TANC2: variants seen among roughly 807,000 people sequenced by gnomAD.
TANC2 encodes the protein protein TANC2.
In TANC2, 26 loss-of-function variants were observed where a neutral mutation model predicts 210.5. The observed-to-expected ratio is 0.12, with a 90% CI of 0.09 to 0.17. TANC2 has a LOEUF of 0.17. TANC2 is among the 10% of genes least tolerant of loss of function. The pLI is 1.00. For synonymous variants in TANC2, 931 were observed against 967.1 expected, an observed-to-expected ratio of 0.96 and a Z score of 0.69; for missense variants, 2,129 against 2,608.9, an observed-to-expected ratio of 0.82 and a Z score of 4.01.
chr17:63,423,103 G>A (rs768022046), exon 28 of TANC2: 6 of 152,292 alleles, frequency 3.9e-5, no homozygotes, highest in Non-Finnish European at 7.4e-5. Flanking sequence ...GGTCATGCCC[G>A]TTGTTGTCTA....
At chr17:63,113,074 G>A (rs938885471) in intron 4 of TANC2, among the ~76,000 whole-genome samples, 1 of 152,066 alleles carries the variant, frequency 6.6e-6, no homozygotes, top group Non-Finnish European at 1.5e-5. Context: ...AAACAATTTT[G>A]GCCATGAGGA....
intron 9 of TANC2, among the ~76,000 whole-genome samples, chr17:63,298,117 A>G (rs2044594606): frequency 1.3e-5 from 2 of 152,242 alleles, no homozygotes; most frequent in African/African-American, 4.8e-5. Context: ...AATGTAAAAT[A>G]GTACAGCCAC....
chr17:63,353,962 G>A (rs756741651), intron 13 of TANC2, among the ~76,000 whole-genome samples: 5 of 152,006 alleles, frequency 3.3e-5, no homozygotes, highest in Non-Finnish European at 5.9e-5. Flanking sequence ...AGAATGGGAA[G>A]GAAAGAATTA....
At chr17:63,066,817 G>A (rs900366851) in intron 2 of TANC2, among the ~76,000 whole-genome samples, 4 of 151,830 alleles carry the variant, frequency 2.6e-5, no homozygotes, top group Non-Finnish European at 4.4e-5. Context: ...TGCAGAGCAA[G>A]GTTACTATAG....
chr17:63,385,828 T>A (rs1450805827), intron 15 of TANC2, among the ~76,000 whole-genome samples: 1 of 152,192 alleles, frequency 6.6e-6, no homozygotes, highest in Non-Finnish European at 1.5e-5. Context: ...AGGGAAATAA[T>A]CTTGTGGTGT....
At chr17:63,341,444 T>C (rs1428326679) in intron 12 of TANC2, among the ~76,000 whole-genome samples, 1 of 152,266 alleles carries the variant, frequency 6.6e-6, no homozygotes, top group East Asian at 1.9e-4. Flanking sequence ...CAAGGACTGT[T>C]CATCTGCCCA....
At chr17:63,326,128 C>T (rs565527807) in intron 11 of TANC2, among the ~76,000 whole-genome samples, 40 of 152,164 alleles carry the variant, frequency 2.6e-4, no homozygotes, top group African/African-American at 4.3e-4. Flanking sequence ...GCTCTGACTA[C>T]GAGCCATTGA....
chr17:63,006,808 G>A (rs2033644083), intron 1 of TANC2, among the ~76,000 whole-genome samples: 1 of 151,932 alleles, frequency 6.6e-6, no homozygotes, highest in South Asian at 2.1e-4. Context: ...ACTTGATCTT[G>A]TAGCTATTGA....
intron 3 of TANC2, among the ~76,000 whole-genome samples, chr17:63,081,034 A>G (rs1568368287): frequency 6.6e-6 from 1 of 152,146 alleles, no homozygotes; most frequent in Non-Finnish European, 1.5e-5. Context: ...GAACCTTTTC[A>G]TTCTGATATA....
At chr17:63,347,797 C>T (rs1167322191) in intron 12 of TANC2, among the ~76,000 whole-genome samples, 1 of 152,114 alleles carries the variant, frequency 6.6e-6, no homozygotes, top group African/African-American at 2.4e-5. Flanking sequence ...TTTGTTGGGA[C>T]AGGGTCTCAC....
chr17:63,116,367 G>A (rs527452681), intron 4 of TANC2, among the ~76,000 whole-genome samples: 44 of 152,276 alleles, frequency 2.9e-4, no homozygotes, highest in Non-Finnish European at 1.5e-4. Flanking sequence ...CTGTGATACC[G>A]TTTGGAAGCT....
intron 3 of TANC2, among the ~76,000 whole-genome samples, chr17:63,089,571 G>C (rs2037104130): frequency 6.6e-6 from 1 of 152,086 alleles, no homozygotes; most frequent in Non-Finnish European, 1.5e-5. Flanking sequence ...TTCTGTTGCT[G>C]ATTGACTGTA....
rs182428620 is a variant in TANC2 at position 63,378,384 on chromosome 17, A to T, written c.2583-1334A>T. On this transcript the variant is annotated intron_variant, in intron 14 of 27. Coordinates refer to ENST00000689528, the Ensembl canonical transcript of TANC2. ...CACTTAAAATAAGTGTATCATTAGG[A>T]TGCTTTGAGCTGGAAAAAAAAAACA... is the stretch of plus-strand genomic sequence containing the variant. Among the ~76,000 whole-genome samples the T allele has an allele frequency of 1.2e-3, 178 of 152,220 alleles. 1 individual carries two copies. The highest frequency in any genetic ancestry group is 4.1e-3 in the African/African-American group (171 of 41,530).
chr17:63,083,975 A>G (rs1054400879), intron 3 of TANC2, among the ~76,000 whole-genome samples: 9 of 152,170 alleles, frequency 5.9e-5, no homozygotes, highest in Non-Finnish European at 1.2e-4. Context: ...TGGTTTTCAT[A>G]TTAGGATAAT....
chr17:63,331,491 A>G (rs1011475182), intron 11 of TANC2, among the ~76,000 whole-genome samples: 3 of 152,228 alleles, frequency 2.0e-5, no homozygotes, highest in African/African-American at 7.2e-5. Context: ...CAAATCTATT[A>G]GATTCTCATC....
chr17:63,322,641 G>A (rs372457290), intron 11 of TANC2, among the ~76,000 whole-genome samples: 20 of 152,180 alleles, frequency 1.3e-4, no homozygotes, highest in East Asian at 3.8e-4. Context: ...ATAAATCAGT[G>A]AACAAAACAG....
chr17:63,183,746 G>A (rs192573454), intron 5 of TANC2, among the ~76,000 whole-genome samples: 26 of 152,186 alleles, frequency 1.7e-4, no homozygotes, highest in Admixed American at 3.9e-4. Flanking sequence ...GGCTGGGCGC[G>A]GTGGCTCACG....
Position 63,228,509 on chromosome 17 carries a change from A to G in TANC2, c.770-9305A>G, listed in dbSNP as rs375398732. 1.6e-4 allele frequency among the ~76,000 whole-genome samples: 24 copies of G among 152,288 alleles called. 1 individual carries two copies. In the South Asian group the frequency reaches 5.0e-3, roughly 32 times the overall value. ...AATGGGAATGGGTTTGAATCTATAA[A>G]TTACTTTGGGCAGTATGGCTATTTT... On this transcript the variant is annotated intron_variant, in intron 7 of 27. Coordinates refer to ENST00000689528, the Ensembl canonical transcript of TANC2.
intron 5 of TANC2, among the ~76,000 whole-genome samples, chr17:63,180,440 G>T (rs1264893158): frequency 6.6e-6 from 1 of 152,150 alleles, no homozygotes; most frequent in African/African-American, 2.4e-5. Flanking sequence ...AGGGAAGGAT[G>T]ATAGAGTTGA....
Sources: allele counts gnomAD v4.1 joint callset (sites outside exome capture counted in the v4.1 genomes callset), GRCh38; gene constraint gnomAD v4.1.1; transcripts MANE v1.5; gene names NCBI Gene and HGNC (gene_info 2026-07-23, HGNC 2026-07-21).